The following LGR4 variants were observed in gnomAD, a reference collection of about 807,000 sequenced individuals.
LGR4 encodes leucine-rich repeat-containing G protein-coupled receptor 4.
A neutral mutation model predicts 84.8 loss-of-function variants in LGR4; 44 were observed. The ratio of observed to expected loss-of-function variants is 0.52; its 90% confidence interval spans 0.41 to 0.67. The LOEUF is 0.67. Among genes scored for constraint, LGR4 ranks in the 30% least tolerant of loss-of-function variants. The pLI is 0.00. For synonymous variants in LGR4, 429 were observed against 434.3 expected (o/e 0.99, Z 0.15); for missense variants, 1,032 against 1,131.4 (o/e 0.91, Z 1.26).
At chr11:27,404,720 G>A (rs1244400757) in intron 2 of LGR4, among the ~76,000 whole-genome samples, 1 of 152,050 alleles carries the variant, frequency 6.6e-6, no homozygotes, top group Admixed American at 6.6e-5. Context: ...ATCCCCCTAG[G>A]AGTTTTGCAG....
chr11:27,367,786 C>T lies in LGR4; in HGVS notation c.*81G>A, dbSNP rs1366724437. ...CCAGGCAGTGATTACAGAAGTGCTT[C>T]CCAGATGAAAGATGAGAATAGGGTT... On this transcript the variant is annotated 3_prime_UTR_variant, in exon 18 of 18. Coordinates refer to ENST00000379214, the MANE Select transcript of LGR4 (RefSeq NM_018490.5). 1.9e-6 allele frequency: 2 copies of T among 1,040,946 alleles called. No individual in the cohort carries two copies. Among genetic ancestry groups the T allele is most frequent in the Admixed American group, 2.4e-5 (1 of 41,326 alleles). The allele number at this position is 1,040,946 out of a possible 1,614,324, so 64.5% of individuals were successfully genotyped here.
intron 1 of LGR4, among the ~76,000 whole-genome samples, chr11:27,423,138 C>T (rs2133411627): frequency 6.6e-6 from 1 of 152,158 alleles, no homozygotes. Flanking sequence ...CCAGTAAATC[C>T]CTCCTAATGC....
intron 1 of LGR4, among the ~76,000 whole-genome samples, chr11:27,435,129 G>T (rs112908373): frequency 6.6e-6 from 1 of 152,014 alleles, no homozygotes; most frequent in Non-Finnish European, 1.5e-5. Context: ...GAGATCAGGC[G>T]TTCGAGACCA....
intron 1 of LGR4, among the ~76,000 whole-genome samples, chr11:27,413,419 C>T (rs1565084624): frequency 6.6e-6 from 1 of 152,128 alleles, no homozygotes; most frequent in South Asian, 2.1e-4. Flanking sequence ...GTATGTGGTC[C>T]ATTTCCAGTT....
intron 1 of LGR4, among the ~76,000 whole-genome samples, chr11:27,429,995 G>A (rs1458857836): frequency 1.3e-5 from 2 of 152,140 alleles, no homozygotes; most frequent in East Asian, 3.9e-4. Flanking sequence ...CACCTCAGCA[G>A]GGTGCAGTGG....
chr11:27,385,768 C>A (rs1863176248), intron 4 of LGR4, among the ~76,000 whole-genome samples: 1 of 145,714 alleles, frequency 6.9e-6, no homozygotes, highest in African/African-American at 2.5e-5. Context: ...AAAACACTTG[C>A]AAAGTTCATA....
At position 27,374,043 on chromosome 11, in the gene LGR4, A is replaced by G. The variant is rs1475716142; in HGVS notation, c.1185T>C (p.Asp395=). The change falls in exon 14 of 18, where the codon GAT becomes GAC. Residue 395 remains aspartate (D), a synonymous_variant. Coordinates refer to ENST00000379214, the MANE Select transcript of LGR4 (RefSeq NM_018490.5). ...FQGLISLRIL[D]LSRNLIHEIH... The stretch of plus-strand genomic sequence containing the variant: ...TTTCATGTATCAGGTTTCTACTCAG[A>G]TCTCTGCAATTATAAGAGTAACATG... 3 of 1,605,028 alleles carry G rather than the reference A, an allele frequency of 1.9e-6. No homozygotes were observed. The highest frequency in any genetic ancestry group is 1.1e-5 in the South Asian group (1 of 90,880).
Position 27,380,663 on chromosome 11 carries a change from G to A in LGR4, c.879C>T (p.His293=). The change falls in exon 9 of 18, where the codon CAC becomes CAT. Residue 293 remains histidine (H), a synonymous_variant. Transcript: ENST00000379214. ...PLSFVGNSAF[H]NLSDLHSLVI... is the part of the protein sequence containing the mutation. ...ACAGGGAATGAAGATCAGATAAATT[G>A]TGAAATGCTGAGTTCCCCACAAAAG... 6.3e-7 allele frequency: 1 copy of A among 1,597,748 alleles called. No homozygotes were observed. Among genetic ancestry groups the A allele is most frequent in the Non-Finnish European group, 8.6e-7 (1 of 1,166,954 alleles).
chr11:27,381,026 A>G, intron 7 of LGR4, 60 bp from the exon 8 acceptor site: 1 of 867,054 alleles, frequency 1.2e-6, no homozygotes, highest in East Asian at 2.4e-5. Context: ...ATAAAACCCA[A>G]GTATCTACTG....
At position 27,378,734 on chromosome 11, in the gene LGR4, T is replaced by C; in HGVS notation, c.1006A>G (p.Asn336Asp). Reference protein sequence around the residue: ...LTGTKISSIPNNLCQEQKMLR... With the variant: ...LTGTKISSIPDNLCQEQKMLR... ...ATCTTTTGTTCTTGACACAAATTAT[T>C]AGGTATGCTGCTTATCTTTGTACCT... Residue 336 changes from asparagine (N) to aspartate (D), a missense_variant, in exon 11 of 18, where the codon AAT becomes GAT. By Grantham distance (23) the Asn-to-Asp change is conservative (BLOSUM62 1). Transcript: ENST00000379214. 1.9e-6 allele frequency: 3 copies of C among 1,612,310 alleles called. No homozygotes were observed. The highest frequency in any genetic ancestry group is 2.5e-6 in the Non-Finnish European group (3 of 1,179,000).
intron 1 of LGR4, among the ~76,000 whole-genome samples, chr11:27,470,162 T>G (rs1009176276): frequency 1.3e-5 from 2 of 152,214 alleles, no homozygotes; most frequent in African/African-American, 4.8e-5. Context: ...AATGCTAGTT[T>G]AGGCACTCTA....
chr11:27,411,482 T>C (rs191077702), intron 2 of LGR4, among the ~76,000 whole-genome samples: 142 of 152,228 alleles, frequency 9.3e-4, no homozygotes, highest in African/African-American at 3.4e-3. Context: ...TTTTTTCTTA[T>C]GCACTTTGAA....
chr11:27,377,079 G>C, intron 12 of LGR4, 79 bp downstream of exon 12: 1 of 760,060 alleles, frequency 1.3e-6, no homozygotes, highest in African/African-American at 1.8e-5. Context: ...TACTATTAAA[G>C]CCATCTATTA....
chr11:27,471,751 T>G (rs1864876689), intron 1 of LGR4: 8 of 163,212 alleles, frequency 4.9e-5, no homozygotes, highest in South Asian at 2.0e-4. Context: ...AGGGCCCTCA[T>G]GAGAAGGGAA....
rs1435910967 is a variant in LGR4 at position 27,382,192 on chromosome 11, C to A, written c.754G>T (p.Glu252Ter). 1 of 1,599,386 alleles carries A rather than the reference C, an allele frequency of 6.3e-7. No homozygotes were observed. The highest frequency in any genetic ancestry group is 1.7e-5 in the Admixed American group (1 of 59,834). ...QAIKALPSLK[E>*]LGFHSNSISV... ...AGAGAATGAAGCAATACTCACAGCT[C>A]TTTAAGGCTAGGAAGGGCTTTAATA... Residue 252 changes from glutamate (E) to a stop codon, truncating the protein, a stop_gained, in exon 7 of 18, where the codon GAG (glutamate) becomes TAG (stop). Coordinates refer to ENST00000379214, the MANE Select transcript of LGR4 (RefSeq NM_018490.5). LOFTEE classifies it high-confidence loss of function.
intron 10 of LGR4, chr11:27,379,122 C>T (rs1365983769): frequency 9.1e-6 from 2 of 218,960 alleles, no homozygotes; most frequent in Non-Finnish European, 1.8e-5. Context: ...GCATTCTGCC[C>T]CCAAATCTTG....
intron 1 of LGR4, among the ~76,000 whole-genome samples, chr11:27,427,687 C>T (rs1864047212): frequency 6.6e-6 from 1 of 152,202 alleles, no homozygotes; most frequent in Non-Finnish European, 1.5e-5. Context: ...AGCACATTGG[C>T]ACTCTTCTCC....
chr11:27,406,527 A>G (rs905023432), intron 2 of LGR4, among the ~76,000 whole-genome samples: 7 of 152,184 alleles, frequency 4.6e-5, no homozygotes, highest in African/African-American at 1.7e-4. Context: ...ATAAAACAAA[A>G]CAATGTTTTC....
In LGR4 at chr11:27,472,213, C is replaced by G. The variant is rs1287063046; in HGVS notation, c.90G>C (p.Ala30=). The change falls in exon 1 of 18, where the codon GCG becomes GCC. Residue 30 remains alanine (A), a synonymous_variant. Transcript: ENST00000379214. ...GGTCGCCGTCGCAGCTGCAGGGCGC[C>G]GCGCAGAGAGGCGGCGCCGCGCCGC... ...GPSGAAPPLC[A]APCSCDGDRR... 7.3e-7 allele frequency: 1 copy of G among 1,367,010 alleles called. No homozygotes were observed. The highest frequency in any genetic ancestry group is 9.4e-7 in the Non-Finnish European group (1 of 1,058,696). 84.7% of individuals were successfully genotyped at this position (1,367,010 alleles called of 1,614,324 possible). A position where few individuals can be genotyped will look rare whatever the true frequency, so the allele number is the denominator to read the frequency against.
Sources: gnomAD v4.1 joint callset for allele counts (sites outside exome capture counted in the v4.1 genomes callset) on GRCh38, gnomAD v4.1.1 for gene constraint, MANE v1.5 for transcripts, NCBI Gene and HGNC (gene_info 2026-07-23, HGNC 2026-07-21) for gene names.